The following JAKMIP2 variants were observed in gnomAD, a reference collection of about 807,000 sequenced individuals.
JAKMIP2 encodes janus kinase and microtubule interacting protein 2.
In JAKMIP2, 25 loss-of-function variants were observed where a neutral mutation model predicts 115.0. The ratio of observed to expected loss-of-function variants is 0.22; its 90% CI spans 0.16 to 0.30. The LOEUF is 0.30. JAKMIP2 is among the 10% of genes least tolerant of loss of function. The pLI, the probability that JAKMIP2 is intolerant of heterozygous loss-of-function variation, is 1.00. For synonymous variants in JAKMIP2, 334 were observed against 343.6 expected (o/e 0.97, Z 0.31); for missense variants, 642 against 957.6 (o/e 0.67, Z 4.35).
rs1262545761 is a variant in JAKMIP2, at chr5:147,585,839, A to G, written c.*5868T>C. On this transcript the variant is annotated 3_prime_UTR_variant, in exon 22 of 22. Transcript: ENST00000616793. ...CATTAGCTCTATACTTGAGTCCCCAAAGTATTGGATCTTGAAGGCTAAAAC... is the reference window on the plus strand; with the variant it reads ...CATTAGCTCTATACTTGAGTCCCCAGAGTATTGGATCTTGAAGGCTAAAAC... 2 of 152,150 alleles carry G rather than the reference A, an allele frequency of 1.3e-5. No individual in the cohort carries two copies. Among genetic ancestry groups the G allele is most frequent in the Admixed American group, 6.6e-5 (1 of 15,266 alleles). The allele number at this position is 152,150 out of a possible 1,614,324, so 9.4% of individuals were successfully genotyped here.
At chr5:147,663,230 T>C (rs887984979) in intron 2 of JAKMIP2, among the ~76,000 whole-genome samples, 3 of 152,058 alleles carry the variant, frequency 2.0e-5, no homozygotes, top group African/African-American at 7.2e-5. Context: ...AGATGAAAAG[T>C]ATTGTTTCTG....
chr5:147,710,202 C>A (rs1354253534), intron 1 of JAKMIP2, among the ~76,000 whole-genome samples: 1 of 152,182 alleles, frequency 6.6e-6, no homozygotes, highest in East Asian at 1.9e-4. Flanking sequence ...CTCATCCTTA[C>A]AATTACAGGG....
rs78687483 is a variant in JAKMIP2 at position 147,632,658 on chromosome 5, A to G, written c.1776+22T>C. On this transcript the variant is annotated intron_variant, in intron 13 of 21. Transcript: ENST00000616793. ...GTTAATCATTACGATTATTTTTATT[A>G]TTATCATCATCATTTCCTTACTTCT... 1,042 of 1,408,650 alleles carry G rather than the reference A, an allele frequency of 7.4e-4. 7 individuals are homozygous for G. In the African/African-American group the frequency reaches 0.013, roughly 18 times the overall value. The allele number at this position is 1,408,650 out of a possible 1,614,324, so 87.3% of individuals were successfully genotyped here.
chr5:147,771,708 G>A (rs1384299341), intron 1 of JAKMIP2, among the ~76,000 whole-genome samples: 1 of 152,080 alleles, frequency 6.6e-6, no homozygotes, highest in Non-Finnish European at 1.5e-5. Flanking sequence ...ACAGGGAACT[G>A]TAGTGCTACT....
At chr5:147,742,658 T>A (rs1248603663) in intron 1 of JAKMIP2, among the ~76,000 whole-genome samples, 1 of 152,132 alleles carries the variant, frequency 6.6e-6, no homozygotes. Context: ...ATGAAGAAAG[T>A]AGATTGTTAG....
At chr5:147,625,273 G>T (rs1183772762) in intron 16 of JAKMIP2, among the ~76,000 whole-genome samples, 2 of 152,102 alleles carry the variant, frequency 1.3e-5, no homozygotes, top group African/African-American at 4.8e-5. Context: ...GAGCCACTGC[G>T]CCCAGCCCCA....
chr5:147,644,123 G>T lies in JAKMIP2; in HGVS notation c.1159C>A (p.Gln387Lys), dbSNP rs764468807. Reference protein sequence around the residue: ...LNDLDQANEEQETEFLKLQVI... With the variant: ...LNDLDQANEEKETEFLKLQVI... ...TGAAGTTTTAGAAACTCTGTTTCTT[G>T]TTCTTCATTAGCTTGGTCGAGGTCA... The change falls in exon 7 of 22, where the codon CAA becomes AAA. Residue 387 changes from glutamine to lysine, a missense_variant. Around this residue, in one of 6 missense-constraint regions of JAKMIP2, gnomAD observed 439 missense variants for 570.9 expected, o/e 0.77. Transcript: ENST00000616793. 2.5e-6 allele frequency: 4 copies of T among 1,608,494 alleles called. No individual in the cohort carries two copies. Among genetic ancestry groups the T allele is most frequent in the Non-Finnish European group, 3.4e-6 (4 of 1,176,232 alleles).
At chr5:147,595,237 T>C (rs1352277335) in intron 21 of JAKMIP2, among the ~76,000 whole-genome samples, 8 of 152,204 alleles carry the variant, frequency 5.3e-5, no homozygotes, top group Non-Finnish European at 8.8e-5. Context: ...ATATTTTGAA[T>C]GTTTTTGTCC....
chr5:147,721,617 T>A, intron 1 of JAKMIP2, among the ~76,000 whole-genome samples: 2 of 151,868 alleles, frequency 1.3e-5, no homozygotes, highest in East Asian at 1.9e-4. Flanking sequence ...ATTTTCCAGG[T>A]GCCGTCAGTC....
At chr5:147,626,721 G>C (rs1461897097) in intron 16 of JAKMIP2, among the ~76,000 whole-genome samples, 1 of 152,190 alleles carries the variant, frequency 6.6e-6, no homozygotes, top group Non-Finnish European at 1.5e-5. Flanking sequence ...GGGAGCAGAA[G>C]ATATTTCTCC....
At chr5:147,680,809 ACATTGAAGT>A (rs1286019890) in intron 1 of JAKMIP2, among the ~76,000 whole-genome samples, 2 of 152,230 alleles carry the variant, frequency 1.3e-5, no homozygotes, top group Admixed American at 6.5e-5. Context: ...AGCCAGTCCA[ACATTGAAGT>A]TCTACCTTCT....
At chr5:147,702,827 CT>C (rs745568981) in intron 1 of JAKMIP2, among the ~76,000 whole-genome samples, 173 of 152,132 alleles carry the variant, frequency 1.1e-3, no homozygotes, top group Non-Finnish European at 2.1e-3. Context: ...GATAAATTAT[CT>C]TTCCTGCTTA....
intron 1 of JAKMIP2, among the ~76,000 whole-genome samples, chr5:147,697,547 GA>G (rs1752153430): frequency 6.6e-6 from 1 of 152,110 alleles, no homozygotes; most frequent in Non-Finnish European, 1.5e-5. Context: ...GGCCTAGAAG[GA>G]AAAAATGGTT....
intron 10 of JAKMIP2, among the ~76,000 whole-genome samples, chr5:147,639,399 A>G (rs1377453911): frequency 6.6e-6 from 1 of 152,234 alleles, no homozygotes; most frequent in Non-Finnish European, 1.5e-5. Context: ...TCAAACAGCA[A>G]GAACAAGAAC....
At chr5:147,692,844 G>C (rs1751934615) in intron 1 of JAKMIP2, among the ~76,000 whole-genome samples, 1 of 152,124 alleles carries the variant, frequency 6.6e-6, no homozygotes, top group Admixed American at 6.5e-5. Context: ...TAATAAGATT[G>C]ACAAAGCAGT....
chr5:147,726,664 A>G (rs1580842059), intron 1 of JAKMIP2, among the ~76,000 whole-genome samples: 1 of 152,338 alleles, frequency 6.6e-6, no homozygotes, highest in East Asian at 1.9e-4. Context: ...TTAGGACCCC[A>G]TAAGCCCACT....
At chr5:147,603,063 A>T (rs1283673904) in intron 20 of JAKMIP2, among the ~76,000 whole-genome samples, 8 of 152,176 alleles carry the variant, frequency 5.3e-5, no homozygotes, top group Non-Finnish European at 1.2e-4. Context: ...CTATGAGAAG[A>T]TCAGATATCA....
At chr5:147,745,821 GTACTTT>G (rs1444145945) in intron 1 of JAKMIP2, among the ~76,000 whole-genome samples, 2 of 152,154 alleles carry the variant, frequency 1.3e-5, no homozygotes, top group East Asian at 3.9e-4. Context: ...ATTTATTTTT[GTACTTT>G]TACTTTGTCA....
chr5:147,631,989 T>C (rs1319011745), intron 13 of JAKMIP2, among the ~76,000 whole-genome samples: 1 of 152,178 alleles, frequency 6.6e-6, no homozygotes, highest in Non-Finnish European at 1.5e-5. Context: ...AAGAACTAAC[T>C]GGCAAAATAA....
Sources: gnomAD v4.1 joint callset for allele counts (sites outside exome capture counted in the v4.1 genomes callset) on GRCh38, gnomAD v4.1.1 for gene constraint, gnomAD v4.1.1 regional missense constraint, MANE v1.5 for transcripts, NCBI Gene and HGNC (gene_info 2026-07-23, HGNC 2026-07-21) for gene names.